The following PGAP2 variants were observed in gnomAD, a reference collection of about 807,000 sequenced individuals.
PGAP2 encodes post-GPI attachment to proteins 2.
PGAP2 carries 21 observed loss-of-function variants against 33.2 expected under a neutral mutation model. The observed-to-expected ratio is 0.63, with a 90% CI of 0.45 to 0.91. PGAP2 has a LOEUF of 0.91. Among genes scored for constraint, PGAP2 ranks in the 40% least tolerant of loss-of-function variants. The pLI, the probability that PGAP2 is intolerant of heterozygous loss-of-function variation, is 0.00. For missense variants in PGAP2, 345 were observed against 424.0 expected (o/e 0.81, Z 1.64); for synonymous variants, 161 against 172.9 (o/e 0.93, Z 0.54).
intron 3 of PGAP2, among the ~76,000 whole-genome samples, chr11:3,819,581 G>A (rs1270749638): frequency 6.6e-6 from 1 of 152,050 alleles, no homozygotes; most frequent in Non-Finnish European, 1.5e-5. Flanking sequence ...GAAATCTGAG[G>A]TGCCGTGCAA....
chr11:3,823,981 C>G lies in PGAP2; in HGVS notation c.447C>G (p.Arg149=), dbSNP rs780677193. The change falls in exon 4 of 7, where the codon CGC becomes CGG. Residue 149 remains arginine (R), a synonymous_variant. Transcript: ENST00000278243. ...RFCIGLHSAP[R]FLVAFAYWNH... Reference sequence around the variant, plus strand: ...GCATCGGCCTGCACTCGGCGCCTCGCTTCTTGGTGGCCTTCGCCTACTGGA... The same window carrying G: ...GCATCGGCCTGCACTCGGCGCCTCGGTTCTTGGTGGCCTTCGCCTACTGGA... 7.4e-6 allele frequency: 12 copies of G among 1,613,270 alleles called. No individual in the cohort carries two copies. In the East Asian group the frequency reaches 2.7e-4, roughly 36 times the overall value.
chr11:3,821,323 C>T lies in PGAP2; in HGVS notation c.349-2560C>T, dbSNP rs1302071249. 2.6e-5 allele frequency among the ~76,000 whole-genome samples: 4 copies of T among 152,236 alleles called. No homozygotes were observed. In the East Asian group the frequency reaches 7.7e-4, roughly 29 times the overall value. ...AAGAACTCCACTTCCGAAGACTGTCCCTCCATAGTTAGAGCAAATTCATTC... is the reference window on the plus strand; with the variant it reads ...AAGAACTCCACTTCCGAAGACTGTCTCTCCATAGTTAGAGCAAATTCATTC... On this transcript the variant is annotated intron_variant, in intron 3 of 6. Transcript: ENST00000278243.
upstream of PGAP2, chr11:3,808,136 T>C: frequency 1.4e-6 from 2 of 1,447,364 alleles, no homozygotes; most frequent in Non-Finnish European, 1.9e-6. Flanking sequence ...ACGAGCAAAG[T>C]TTGGGGGAGG....
At chr11:3,815,340 G>A (rs1028146443) in intron 2 of PGAP2, among the ~76,000 whole-genome samples, 1 of 148,808 alleles carries the variant, frequency 6.7e-6, no homozygotes, top group Non-Finnish European at 1.5e-5. Context: ...ATGGAATCTC[G>A]CTTTGTCACC....
chr11:3,825,215 C>G, intron 6 of PGAP2, 87 bp downstream of exon 6: 1 of 1,555,046 alleles, frequency 6.4e-7, no homozygotes, highest in Non-Finnish European at 8.9e-7. Flanking sequence ...GTCTTGGGGA[C>G]TGGCTGCCAT....
chr11:3,799,971 G>T (rs2083218819), intron 1 of PGAP2, among the ~76,000 whole-genome samples: 1 of 151,838 alleles, frequency 6.6e-6, no homozygotes, highest in Non-Finnish European at 1.5e-5. Flanking sequence ...CCGACTGGGG[G>T]AAAAAAAAGG....
intron 2 of PGAP2, among the ~76,000 whole-genome samples, chr11:3,813,943 T>C (rs1002237692): frequency 2.6e-5 from 4 of 152,166 alleles, no homozygotes; most frequent in African/African-American, 7.2e-5. Context: ...AATTAAGATA[T>C]AGATAGTTGC....
upstream of PGAP2, chr11:3,808,523 T>C: frequency 7.1e-7 from 1 of 1,406,644 alleles, no homozygotes; most frequent in Non-Finnish European, 9.2e-7. Flanking sequence ...GTTTCCTCTC[T>C]AAGTTCCGCC....
rs879534196 is a variant in PGAP2, at chr11:3,818,057, C to CAAAAAA, written c.348+526_348+527insAAAAAA. 1.3e-4 allele frequency: 19 copies of CAAAAAA among 150,868 alleles called. 1 individual carries two copies. Among genetic ancestry groups the CAAAAAA allele is most frequent in the South Asian group, 2.1e-4 (3 of 14,288 alleles). The allele number at this position is 150,868 out of a possible 1,614,324, so 9.3% of individuals were successfully genotyped here. A position where few individuals can be genotyped will look rare whatever the true frequency, so the allele number is the denominator to read the frequency against. On this transcript the variant is annotated intron_variant, in intron 3 of 6. Coordinates refer to ENST00000278243, the MANE Select transcript of PGAP2 (RefSeq NM_014489.4). ...GTAAAACCCTGTCTCAAAAACAAAA[C>CAAAAAA]AAAATAAAAAAAAAAAAACAGCAGG...
intron 1 of PGAP2, among the ~76,000 whole-genome samples, chr11:3,810,219 T>A (rs1462027003): frequency 6.6e-6 from 1 of 152,174 alleles, no homozygotes; most frequent in East Asian, 1.9e-4. Context: ...CTTTTCTTCC[T>A]CCTGTGAACA....
rs1262955042 is a variant in PGAP2 at position 3,811,880 on chromosome 11, G to C, written c.165+456G>C. Among the ~76,000 whole-genome samples the C allele has an allele frequency of 6.6e-6, 1 of 152,190 alleles. No individual in the cohort carries two copies. Among genetic ancestry groups the C allele is most frequent in the Non-Finnish European group, 1.5e-5 (1 of 68,032 alleles). On this transcript the variant is annotated intron_variant, in intron 2 of 6. Transcript: ENST00000278243. This position sits in a 1 kb window ranked among gnomAD's most constrained non-coding sequence, Gnocchi z 4.6. The stretch of plus-strand genomic sequence containing the variant: ...TAGAGGGTATTTTGGGCCTCTTAAT[G>C]TAGCACTATGGGCTTGTGCCTGTCT...
intron 3 of PGAP2, among the ~76,000 whole-genome samples, chr11:3,822,059 C>G (rs1481279827): frequency 6.7e-6 from 1 of 149,248 alleles, no homozygotes; most frequent in Non-Finnish European, 1.5e-5. Context: ...ACCCTGTCTC[C>G]AAAAACAAAA....
chr11:3,823,054 T>TTTTAAA, intron 3 of PGAP2: 1 of 564,914 alleles, frequency 1.8e-6, no homozygotes, highest in Non-Finnish European at 2.8e-6. Context: ...TTTTTTTTTT[T>TTTTAAA]GAGACAGAGT....
At chr11:3,822,731 G>T (rs1310019674) in intron 3 of PGAP2, among the ~76,000 whole-genome samples, 2 of 152,184 alleles carry the variant, frequency 1.3e-5, no homozygotes, top group African/African-American at 4.8e-5. Context: ...AGTTGTATGG[G>T]TAATTAAAGT....
chr11:3,824,108 A>T lies in PGAP2; in HGVS notation c.574A>T (p.Thr192Ser). The T allele has an allele frequency of 6.2e-7, 1 of 1,614,028 alleles. No homozygotes were observed. Among genetic ancestry groups the T allele is most frequent in the Non-Finnish European group, 8.5e-7 (1 of 1,179,992 alleles). ...GGAGAACCTCGCGTTGCTAGTGCTC[A>T]CTTATGTCTCCTCCTCCGAGGACTT... ...VVENLALLVL[T>S]YVSSSEDFTI... is the part of the protein sequence containing the mutation. The change falls in exon 4 of 7, where the codon ACT becomes TCT. Residue 192 changes from threonine to serine, a missense_variant. By Grantham distance (58) the Thr-to-Ser change is moderately conservative. This residue lies in a region of PGAP2 where 311 missense variants were observed against 353.6 expected (regional missense o/e 0.88). Coordinates refer to ENST00000278243, the MANE Select transcript of PGAP2 (RefSeq NM_014489.4).
Position 3,824,080 on chromosome 11 carries a change from C to T in PGAP2, c.546C>T (p.Val182=), listed in dbSNP as rs1263358574. Residue 182 remains valine (V), a synonymous_variant, in exon 4 of 7, where the codon GTC becomes GTT. Transcript: ENST00000278243. ...PLCRLNFGLN[V]VENLALLVLT... is the part of the protein sequence containing the mutation. ...GCCGCCTCAACTTCGGCCTCAATGT[C>T]GTGGAGAACCTCGCGTTGCTAGTGC... 8.7e-6 allele frequency: 14 copies of T among 1,614,074 alleles called. No homozygotes were observed. The highest frequency in any genetic ancestry group is 1.6e-4 in the Middle Eastern group (1 of 6,084).
exon 1 of PGAP2, chr11:3,797,941 G>A (rs1356453551): frequency 6.5e-7 from 1 of 1,548,580 alleles, no homozygotes; most frequent in African/African-American, 1.4e-5. Flanking sequence ...CTCGGGCTGA[G>A]GGAGCTCGGG....
At chr11:3,818,269 A>T (rs1395898333) in intron 3 of PGAP2, among the ~76,000 whole-genome samples, 1 of 147,844 alleles carries the variant, frequency 6.8e-6, no homozygotes, top group Non-Finnish European at 1.5e-5. Context: ...AGGAGGCTTG[A>T]GGCAAGAGAA....
In PGAP2 at chr11:3,825,444, G is replaced by A. The variant is rs2089857180; in HGVS notation, c.934G>A (p.Glu312Lys). 1 of 1,612,898 alleles carries A rather than the reference G, an allele frequency of 6.2e-7. No individual in the cohort carries two copies. The change falls in exon 7 of 7, where the codon GAA (glutamate) becomes AAA (lysine). Residue 312 changes from glutamate (E) to lysine (K), a missense_variant. Around this residue, in one of 2 missense-constraint regions of PGAP2, gnomAD observed 311 missense variants for 353.6 expected, o/e 0.88. Transcript: ENST00000278243. Reference protein sequence around the residue: ...KELLITSQPEEKRF With the variant: ...KELLITSQPEKKRF The stretch of plus-strand genomic sequence containing the variant: ...GCTGCTCATAACCTCTCAGCCTGAG[G>A]AAAAGCGATTCTGAACCCTTCAGTC...
Sources: gnomAD v4.1 joint callset for allele counts (sites outside exome capture counted in the v4.1 genomes callset) on GRCh38, gnomAD v4.1.1 for gene constraint, gnomAD v4.1.1 regional missense constraint, Gnocchi (gnomAD v3.1) non-coding constraint, MANE v1.5 for transcripts, NCBI Gene and HGNC (gene_info 2026-07-23, HGNC 2026-07-21) for gene names.